The following GJC1 variants were observed in gnomAD, a reference collection of about 807,000 sequenced individuals.
The protein encoded by GJC1 is gap junction protein gamma 1.
In GJC1, 5 loss-of-function variants were observed where a neutral mutation model predicts 29.3. That is an observed-to-expected ratio of 0.17 (90% CI 0.09 to 0.36). The LOEUF is 0.36. Ranked by LOEUF, GJC1 falls within the 10% of genes least tolerant of loss-of-function variation. GJC1 has a pLI of 1.00. For missense variants in GJC1, 310 were observed against 496.2 expected, an observed-to-expected ratio of 0.62 and a Z score of 3.56; for synonymous variants, 177 against 183.3, an observed-to-expected ratio of 0.97 and a Z score of 0.28.
chr17:44,820,745 G>T (rs971763577), intron 1 of GJC1, among the ~76,000 whole-genome samples: 2 of 152,098 alleles, frequency 1.3e-5, no homozygotes, highest in African/African-American at 4.8e-5. Context: ...CCCTGAACGC[G>T]ACTGCTTTAT....
At chr17:44,821,697 C>CAAAAAAAAAAAAAA (rs61303163) in intron 1 of GJC1, among the ~76,000 whole-genome samples, 15 of 58,356 alleles carry the variant, frequency 2.6e-4, no homozygotes, top group African/African-American at 4.7e-4. Flanking sequence ...AACTCCGTCT[C>CAAAAAAAAAAAAAA]AAAAAAAAAA....
chr17:44,805,471 G>C lies in GJC1; in HGVS notation c.347C>G (p.Pro116Arg). The part of the protein sequence containing the change: ...EADKKAARSK[P>R]YAMRWKQHRA... ...GTGTTGTTTCCAGCGCATTGCATAG[G>C]GCTTGCTCCGAGCTGCCTTCTTGTC... The change falls in exon 3 of 3, where the codon CCC becomes CGC. Residue 116 changes from proline (P) to arginine (R), a missense_variant. By Grantham distance (103) the Pro-to-Arg change is moderately radical. Around this residue, in one of 4 missense-constraint regions of GJC1, gnomAD observed 82 missense variants for 100.7 expected, o/e 0.81. Transcript: ENST00000592524. This position sits in a 1 kb window ranked among gnomAD's most constrained non-coding sequence, Gnocchi z 5.1. The C allele has an allele frequency of 6.2e-7, 1 of 1,614,074 alleles. No homozygotes were observed.
Position 44,804,574 on chromosome 17 carries a change from G to A in GJC1, c.*53C>T. On this transcript the variant is annotated 3_prime_UTR_variant, in exon 3 of 3. Transcript: ENST00000592524. ...TACTCAATGGAAGTCATTATTCAGT[G>A]AGCTGCTGCTTACCATAAACTATGA... is the stretch of plus-strand genomic sequence containing the variant. 1 of 1,312,760 alleles carries A rather than the reference G, an allele frequency of 7.6e-7. No individual in the cohort carries two copies. 81.3% of individuals were successfully genotyped at this position (1,312,760 alleles called of 1,614,324 possible). A position where few individuals can be genotyped will look rare whatever the true frequency, so the allele number is the denominator to read the frequency against.
intron 1 of GJC1, among the ~76,000 whole-genome samples, chr17:44,814,451 A>G (rs2050019631): frequency 6.6e-6 from 1 of 151,938 alleles, no homozygotes; most frequent in Non-Finnish European, 1.5e-5. Flanking sequence ...TGAACATTTT[A>G]TCTATTTTTT....
chr17:44,812,999 T>C (rs2050001277), intron 1 of GJC1: 10 of 152,100 alleles, frequency 6.6e-5, no homozygotes, highest in Admixed American at 6.6e-4. Context: ...GTAAATGTGT[T>C]TATCAACTTA....
upstream of GJC1, chr17:44,830,843 C>T (rs1396665081): frequency 1.8e-5 from 7 of 396,464 alleles, no homozygotes; most frequent in Non-Finnish European, 2.7e-5. This position sits in a 1 kb window ranked among gnomAD's most constrained non-coding sequence, Gnocchi z 4.3. Context: ...CTGAACTTCT[C>T]GGATTAGCAA....
chr17:44,819,659 AAAATAAATAAATAAATAAAT>A (rs199517100), intron 1 of GJC1, among the ~76,000 whole-genome samples: 187 of 146,256 alleles, frequency 1.3e-3, no homozygotes, highest in Middle Eastern at 3.6e-3. Context: ...CTCCGTCTCA[AAAATAAATAAATAAATAAAT>A]AAATAAATAA....
At chr17:44,828,758 G>C (rs1229832938) in intron 1 of GJC1, among the ~76,000 whole-genome samples, 1 of 152,120 alleles carries the variant, frequency 6.6e-6, no homozygotes, top group East Asian at 1.9e-4. Context: ...AGCTCTGGAA[G>C]TAAGGGTATT....
intron 1 of GJC1, among the ~76,000 whole-genome samples, chr17:44,827,808 A>T (rs911691946): frequency 6.6e-6 from 1 of 151,882 alleles, no homozygotes; most frequent in Non-Finnish European, 1.5e-5. Context: ...GGTGGCGGGT[A>T]CCTGTAGTCC....
chr17:44,830,573 A>G, upstream of GJC1: 1 of 398,452 alleles, frequency 2.5e-6, no homozygotes, highest in Non-Finnish European at 4.4e-6. The surrounding 1 kb of genome is among the most constrained non-coding windows in gnomAD (Gnocchi z 4.3). Context: ...TTCGGGCGAG[A>G]GTCCCCCGCC....
In GJC1 at chr17:44,805,468, T is replaced by C. The variant is rs751811858; in HGVS notation, c.350A>G (p.Tyr117Cys). Residue 117 changes from tyrosine to cysteine, a missense_variant, in exon 3 of 3, where the codon TAT becomes TGT. Transcript: ENST00000592524. The surrounding 1 kb of genome is among the most constrained non-coding windows in gnomAD (Gnocchi z 5.1). ...CCGGTGTTGTTTCCAGCGCATTGCA[T>C]AGGGCTTGCTCCGAGCTGCCTTCTT... ...ADKKAARSKP[Y>C]AMRWKQHRAL... 135 of 1,614,072 alleles carry C rather than the reference T, an allele frequency of 8.4e-5. No individual in the cohort carries two copies. The highest frequency in any genetic ancestry group is 1.1e-4 in the Non-Finnish European group (124 of 1,180,030).
chr17:44,800,948 A>AG lies in GJC1; in HGVS notation c.*3678dup. The AG allele has an allele frequency of 6.6e-6, 1 of 151,714 alleles. No homozygotes were observed. Among genetic ancestry groups the AG allele is most frequent in the African/African-American group, 2.4e-5 (1 of 41,416 alleles). 9.4% of individuals were successfully genotyped at this position (151,714 alleles called of 1,614,324 possible). On this transcript the variant is annotated 3_prime_UTR_variant, in exon 3 of 3. Coordinates refer to ENST00000592524, the MANE Select transcript of GJC1 (RefSeq NM_005497.4). ...TTGAATTAACCAAAAAAAAAAAAAA[A>AG]GCCTATTTCTTTTACAAATCTTCTG...
chr17:44,830,184 C>G lies in GJC1; in HGVS notation c.-219G>C, dbSNP rs2050216646. 6.5e-6 allele frequency: 1 copy of G among 152,968 alleles called. No homozygotes were observed. Among genetic ancestry groups the G allele is most frequent in the African/African-American group, 2.4e-5 (1 of 41,360 alleles). The allele number at this position is 152,968 out of a possible 1,614,324, so 9.5% of individuals were successfully genotyped here. On this transcript the variant is annotated 5_prime_UTR_variant, in exon 1 of 3. Coordinates refer to ENST00000592524, the MANE Select transcript of GJC1 (RefSeq NM_005497.4). The surrounding 1 kb of genome is among the most constrained non-coding windows in gnomAD (Gnocchi z 4.3). Reference sequence around the variant, plus strand: ...CTCGCCTCTCCTCCACCTCCTCCGCCGCTGCCGCCTTCGCCTCAGTCTCCA... The same window carrying G: ...CTCGCCTCTCCTCCACCTCCTCCGCGGCTGCCGCCTTCGCCTCAGTCTCCA...
At chr17:44,823,705 TCTTTC>T (rs1326027793) in intron 1 of GJC1, among the ~76,000 whole-genome samples, 11 of 151,774 alleles carry the variant, frequency 7.2e-5, no homozygotes, top group African/African-American at 1.7e-4. Context: ...GCCTGGCCTT[TCTTTC>T]CTTTCCTTTT....
intron 1 of GJC1, among the ~76,000 whole-genome samples, chr17:44,811,473 C>T (rs2049981155): frequency 6.6e-6 from 1 of 151,034 alleles, no homozygotes; most frequent in Non-Finnish European, 1.5e-5. Context: ...GTAGCCTCAG[C>T]CTCCCCAGGT....
chr17:44,815,883 G>A (rs141119654), intron 1 of GJC1, among the ~76,000 whole-genome samples: 9 of 152,104 alleles, frequency 5.9e-5, no homozygotes, highest in Non-Finnish European at 1.0e-4. Flanking sequence ...GGAGGCCGAG[G>A]TGGGCGGATC....
chr17:44,794,865 T>C (rs1341999683), downstream of GJC1: 1 of 152,226 alleles, frequency 6.6e-6, no homozygotes, highest in East Asian at 1.9e-4. Context: ...GGCAGTTCTT[T>C]CCTCCAGGCA....
At chr17:44,819,712 TTTCC>T (rs1373642656) in intron 1 of GJC1, among the ~76,000 whole-genome samples, 1 of 150,716 alleles carries the variant, frequency 6.6e-6, no homozygotes, top group African/African-American at 2.5e-5. Flanking sequence ...ATAAAAAGAA[TTTCC>T]TTCCTTTTTA....
intron 1 of GJC1, among the ~76,000 whole-genome samples, chr17:44,821,193 TATATTCATTCACAAC>T (rs1445972354): frequency 2.0e-5 from 3 of 152,132 alleles, no homozygotes; most frequent in African/African-American, 7.2e-5. Flanking sequence ...ATAGGGATAA[TATATTCATTCACAAC>T]ATATCCTAAG....
Sources: allele counts gnomAD v4.1 joint callset (sites outside exome capture counted in the v4.1 genomes callset), GRCh38; gene constraint gnomAD v4.1.1; regional missense constraint gnomAD v4.1.1; non-coding constraint Gnocchi (gnomAD v3.1); transcripts MANE v1.5; gene names NCBI Gene and HGNC (gene_info 2026-07-23, HGNC 2026-07-21).